The following IQSEC1 variants were observed in gnomAD, a reference collection of about 807,000 sequenced individuals.
IQSEC1 encodes the protein IQ motif and SEC7 domain-containing protein 1.
A neutral mutation model predicts 91.0 loss-of-function variants in IQSEC1; 31 were observed. The ratio of observed to expected loss-of-function variants is 0.34; its 90% CI spans 0.26 to 0.46. The LOEUF (loss-of-function observed/expected upper bound fraction) is 0.46. Among genes scored for constraint, IQSEC1 ranks in the 20% least tolerant of loss-of-function variants. The probability of loss-of-function intolerance (pLI) is 1.00; values close to 1 mark genes in which losing one functional copy is unlikely to be tolerated. For missense variants in IQSEC1, 1,388 were observed against 1,575.6 expected (o/e 0.88, Z 2.02); for synonymous variants, 699 against 662.6 (o/e 1.05, Z -0.84).
At chr3:13,227,027 A>C (rs2125083236) in intron 1 of IQSEC1, among the ~76,000 whole-genome samples, 1 of 152,168 alleles carries the variant, frequency 6.6e-6, no homozygotes, top group South Asian at 2.1e-4. Flanking sequence ...GGCTGCAGTG[A>C]GCGATGATCA....
intron 2 of IQSEC1, among the ~76,000 whole-genome samples, chr3:13,143,142 A>G (rs1559263487): frequency 6.6e-6 from 1 of 152,184 alleles, no homozygotes; most frequent in African/African-American, 2.4e-5. Context: ...CAGCTCCTGG[A>G]GGACAGGAAT....
chr3:13,102,478 T>C (rs1706082692), intron 2 of IQSEC1, among the ~76,000 whole-genome samples: 1 of 152,006 alleles, frequency 6.6e-6, no homozygotes, highest in Admixed American at 6.5e-5. Context: ...CATGGTTTCC[T>C]TCTCTGAGCT....
At chr3:12,963,602 G>A (rs1700375139) in intron 1 of IQSEC1, among the ~76,000 whole-genome samples, 1 of 152,182 alleles carries the variant, frequency 6.6e-6, no homozygotes, top group Non-Finnish European at 1.5e-5. Context: ...CCCCTCCCCA[G>A]GGGTTTCTTT....
chr3:12,932,135 G>A (rs775388978), intron 3 of IQSEC1, among the ~76,000 whole-genome samples: 4 of 152,220 alleles, frequency 2.6e-5, no homozygotes, highest in Non-Finnish European at 5.9e-5. Flanking sequence ...ATGTACCCCT[G>A]ACGGTGTGTA....
chr3:13,092,433 C>T (rs1705878888), intron 2 of IQSEC1, among the ~76,000 whole-genome samples: 1 of 152,120 alleles, frequency 6.6e-6, no homozygotes, highest in African/African-American at 2.4e-5. Context: ...GACCTGGCTC[C>T]TTCCCAGGCC....
chr3:13,106,451 A>G (rs1706153773), intron 2 of IQSEC1, among the ~76,000 whole-genome samples: 1 of 152,134 alleles, frequency 6.6e-6, no homozygotes, highest in Non-Finnish European at 1.5e-5. Context: ...GTGTGGTTCT[A>G]AGCTCTTTAT....
chr3:13,019,284 G>A (rs777378986), intron 1 of IQSEC1, among the ~76,000 whole-genome samples: 25 of 152,222 alleles, frequency 1.6e-4, no homozygotes, highest in African/African-American at 3.6e-4. Context: ...CCTTGACTGC[G>A]GTCGCCAAAC....
chr3:13,094,131 A>T (rs1451216960), intron 2 of IQSEC1, among the ~76,000 whole-genome samples: 1 of 152,184 alleles, frequency 6.6e-6, no homozygotes, highest in Non-Finnish European at 1.5e-5. Context: ...GAACCGTGAC[A>T]TCCGATCAGG....
At chr3:13,067,479 C>T (rs1358286884) in intron 1 of IQSEC1, among the ~76,000 whole-genome samples, 2 of 152,236 alleles carry the variant, frequency 1.3e-5, no homozygotes, top group African/African-American at 4.8e-5. Context: ...CTGGGGGCAG[C>T]CATGCCACAG....
chr3:13,225,074 A>C lies in IQSEC1; in HGVS notation c.272+57637T>G, dbSNP rs551788480. 9.3e-4 allele frequency among the ~76,000 whole-genome samples: 142 copies of C among 152,370 alleles called. No individual in the cohort carries two copies. The Middle Eastern group carries it at 0.01, about 11-fold the overall frequency. ...ACCTGGTTCCCAGGGAAACAGAGCT[A>C]GAAAGTTAACCCGAGATCAAATTCT... is the stretch of plus-strand genomic sequence containing the variant. On this transcript the variant is annotated intron_variant, in intron 1 of 15. Coordinates refer to the IQSEC1 transcript ENST00000648114.
At chr3:13,091,343 C>G (rs1277021086) in intron 2 of IQSEC1, among the ~76,000 whole-genome samples, 1 of 152,234 alleles carries the variant, frequency 6.6e-6, no homozygotes, top group Middle Eastern at 3.2e-3. Context: ...GAAGCAGGCT[C>G]AAGCCATAGA....
intron 1 of IQSEC1, among the ~76,000 whole-genome samples, chr3:13,019,091 G>C (rs1408257987): frequency 1.3e-5 from 2 of 152,230 alleles, no homozygotes; most frequent in African/African-American, 4.8e-5. Flanking sequence ...CTACAGGCGA[G>C]GAAACAAGCC....
intron 2 of IQSEC1, among the ~76,000 whole-genome samples, chr3:13,092,657 CCGAATTATTTCTGTTCCCT>C (rs1179303701): frequency 6.6e-6 from 1 of 152,154 alleles, no homozygotes; most frequent in Non-Finnish European, 1.5e-5. Context: ...AGCCCCTAAC[CCGAATTATTTCTGTTCCCT>C]CACCAGAACA....
intron 2 of IQSEC1, among the ~76,000 whole-genome samples, chr3:13,151,592 C>T (rs1026729914): frequency 2.0e-5 from 3 of 152,190 alleles, no homozygotes; most frequent in Non-Finnish European, 4.4e-5. Context: ...CAGGGGCAGG[C>T]TCGGTGGCCT....
At chr3:13,079,211 A>G (rs1576240460) in intron 2 of IQSEC1, among the ~76,000 whole-genome samples, 2 of 152,322 alleles carry the variant, frequency 1.3e-5, no homozygotes, top group Admixed American at 1.3e-4. Flanking sequence ...ACCGGCAAGC[A>G]TAGGCCACTG....
chr3:13,069,144 G>T (rs398063), intron 1 of IQSEC1, among the ~76,000 whole-genome samples: 78,747 of 152,086 alleles, frequency 0.52, 20,661 homozygotes, highest in East Asian at 0.66. Context: ...AGTGCTGTGT[G>T]GGTCATTCAT....
At chr3:13,255,185 AC>A (rs57810921) in intron 1 of IQSEC1, among the ~76,000 whole-genome samples, 1 of 151,924 alleles carries the variant, frequency 6.6e-6, no homozygotes, top group East Asian at 1.9e-4. Flanking sequence ...ATGGCTGACC[AC>A]CCCCCAGCAC....
chr3:13,015,758 C>T (rs1230567530), intron 1 of IQSEC1: 1 of 984,456 alleles, frequency 1.0e-6, no homozygotes, highest in East Asian at 1.1e-4. Flanking sequence ...CACCCTGGGG[C>T]CCCCGCCCAC....
chr3:13,017,775 G>C (rs1703208049), intron 1 of IQSEC1, among the ~76,000 whole-genome samples: 3 of 152,274 alleles, frequency 2.0e-5, no homozygotes, highest in Admixed American at 6.5e-5. Flanking sequence ...CTGAGGCAAT[G>C]GTGAGGCCCA....
Sources: allele counts gnomAD v4.1 joint callset (sites outside exome capture counted in the v4.1 genomes callset), GRCh38; gene constraint gnomAD v4.1.1; transcripts MANE v1.5; gene names NCBI Gene and HGNC (gene_info 2026-07-23, HGNC 2026-07-21).